Variants in NBEA observed in about 807,000 individuals in gnomAD.
The protein encoded by NBEA is neurobeachin.
Under a neutral mutation model 343.4 loss-of-function variants are expected in NBEA, and 44 were observed. That is an observed-to-expected ratio of 0.13 (90% CI 0.10 to 0.16). NBEA has a LOEUF of 0.16. NBEA is among the 10% of genes least tolerant of loss of function. NBEA has a pLI of 1.00. For synonymous variants in NBEA, 1,175 were observed against 1,238.7 expected, an observed-to-expected ratio of 0.95 and a Z score of 1.08; for missense variants, 2,555 against 3,631.3, an observed-to-expected ratio of 0.70 and a Z score of 7.62.
At chr13:35,584,414 G>A (rs1045716444) in intron 46 of NBEA, among the ~76,000 whole-genome samples, 4 of 151,522 alleles carry the variant, frequency 2.6e-5, no homozygotes, top group African/African-American at 4.8e-5. Flanking sequence ...GAACCCCTGG[G>A]CTCAAAGGAT....
At chr13:35,533,112 A>G (rs927297442) in intron 41 of NBEA, among the ~76,000 whole-genome samples, 1 of 152,154 alleles carries the variant, frequency 6.6e-6, no homozygotes, top group African/African-American at 2.4e-5. Context: ...GCCCACTAGC[A>G]ATGTAGTGAG....
chr13:35,321,920 C>T (rs898295439), intron 36 of NBEA, among the ~76,000 whole-genome samples: 1 of 152,148 alleles, frequency 6.6e-6, no homozygotes, highest in African/African-American at 2.4e-5. Flanking sequence ...CCTACTCAAG[C>T]CTCAGTAATG....
At chr13:34,967,257 G>A (rs895165853) in intron 1 of NBEA, among the ~76,000 whole-genome samples, 8 of 151,322 alleles carry the variant, frequency 5.3e-5, no homozygotes, top group African/African-American at 1.5e-4. Flanking sequence ...TTTTCCTGAC[G>A]GAAAATGAAG....
intron 1 of NBEA, among the ~76,000 whole-genome samples, chr13:35,020,962 T>A (rs2061818034): frequency 6.6e-6 from 1 of 152,208 alleles, no homozygotes; most frequent in African/African-American, 2.4e-5. Flanking sequence ...GCTTCTTGCT[T>A]TACAAAGCTA....
intron 38 of NBEA, among the ~76,000 whole-genome samples, chr13:35,379,149 T>C (rs994617913): frequency 1.3e-5 from 2 of 152,248 alleles, no homozygotes; most frequent in Middle Eastern, 3.4e-3. Context: ...TGAGTCATAG[T>C]GTAGACTTGT....
chr13:35,099,529 T>G (rs927986068), intron 11 of NBEA, among the ~76,000 whole-genome samples: 3 of 152,146 alleles, frequency 2.0e-5, no homozygotes, highest in Non-Finnish European at 4.4e-5. Context: ...TCTTTTTTAT[T>G]AAGATAAAAA....
At chr13:35,293,675 A>G (rs181334837) in intron 35 of NBEA, among the ~76,000 whole-genome samples, 2 of 152,124 alleles carry the variant, frequency 1.3e-5, no homozygotes, top group East Asian at 1.9e-4. Context: ...CATTATTTTT[A>G]CTGTATTGTG....
At chr13:35,475,408 C>G (rs45556438) in intron 41 of NBEA, 338 of 1,613,612 alleles carry the variant, frequency 2.1e-4, no homozygotes, top group Non-Finnish European at 2.5e-4. Context: ...TCTGCAGCCC[C>G]CCATCTGCAG....
chr13:35,577,470 C>T (rs1482187837), intron 45 of NBEA, among the ~76,000 whole-genome samples: 1 of 152,022 alleles, frequency 6.6e-6, no homozygotes, highest in Non-Finnish European at 1.5e-5. Flanking sequence ...TGTGAATTGC[C>T]TATTCATCAT....
chr13:35,488,926 T>C (rs2076400872), intron 41 of NBEA, among the ~76,000 whole-genome samples: 1 of 151,914 alleles, frequency 6.6e-6, no homozygotes, highest in Admixed American at 6.6e-5. Flanking sequence ...GAAGCAGTAG[T>C]AAAATACAAA....
intron 34 of NBEA, among the ~76,000 whole-genome samples, chr13:35,284,083 ATTTG>A (rs1566565352): frequency 6.6e-6 from 1 of 152,072 alleles, no homozygotes. Flanking sequence ...AGCCAAACTC[ATTTG>A]TTTATGTATT....
chr13:35,013,459 G>T (rs1027643495), intron 1 of NBEA, among the ~76,000 whole-genome samples: 14 of 151,632 alleles, frequency 9.2e-5, no homozygotes, highest in African/African-American at 3.4e-4. Flanking sequence ...TTATTAGCAT[G>T]AATTAAACAT....
intron 39 of NBEA, among the ~76,000 whole-genome samples, chr13:35,451,754 GC>G (rs1199148362): frequency 1.3e-5 from 2 of 152,330 alleles, no homozygotes; most frequent in East Asian, 3.9e-4. Context: ...TGTGCAACAT[GC>G]ACTGATCTTA....
At chr13:35,088,201 C>A (rs903995838) in intron 10 of NBEA, among the ~76,000 whole-genome samples, 8 of 151,848 alleles carry the variant, frequency 5.3e-5, no homozygotes, top group Non-Finnish European at 1.0e-4. Flanking sequence ...GGGAGAACTT[C>A]AGTGAGCAAT....
chr13:35,609,909 C>T (rs180690007), intron 48 of NBEA, among the ~76,000 whole-genome samples: 17 of 152,108 alleles, frequency 1.1e-4, no homozygotes, highest in Admixed American at 3.9e-4. Context: ...GTAAATGAGC[C>T]GAAGTCATAA....
chr13:35,432,919 C>A (rs1300787322), intron 39 of NBEA, among the ~76,000 whole-genome samples: 1 of 151,462 alleles, frequency 6.6e-6, no homozygotes, highest in African/African-American at 2.4e-5. Flanking sequence ...TATTTATAAC[C>A]TCTTTATATG....
chr13:35,652,339 T>TA (rs1339747963), intron 53 of NBEA, among the ~76,000 whole-genome samples: 663 of 61,612 alleles, frequency 0.011, 10 homozygotes, highest in African/African-American at 0.031. Context: ...GAACTTAAAT[T>TA]TAAAAAAAAA....
intron 36 of NBEA, among the ~76,000 whole-genome samples, chr13:35,314,777 A>G (rs1318824205): frequency 6.6e-6 from 1 of 152,158 alleles, no homozygotes; most frequent in Non-Finnish European, 1.5e-5. Flanking sequence ...AGCTGCTATA[A>G]GTCCTTAAAA....
chr13:35,573,858 G>A (rs936475480), intron 45 of NBEA, among the ~76,000 whole-genome samples: 1 of 152,156 alleles, frequency 6.6e-6, no homozygotes, highest in Non-Finnish European at 1.5e-5. Flanking sequence ...CTAAACCACA[G>A]CATTATCATG....
Sources: allele counts gnomAD v4.1 joint callset (sites outside exome capture counted in the v4.1 genomes callset), GRCh38; gene constraint gnomAD v4.1.1; transcripts MANE v1.5; gene names NCBI Gene and HGNC (gene_info 2026-07-23, HGNC 2026-07-21).